The following SLC26A7 variants were observed in gnomAD, a reference collection of about 807,000 sequenced individuals.
SLC26A7 encodes the protein anion exchange transporter.
Under a neutral mutation model 82.5 loss-of-function variants are expected in SLC26A7, and 59 were observed. That is an observed-to-expected ratio of 0.72 (90% CI 0.58 to 0.89). The LOEUF (loss-of-function observed/expected upper bound fraction) is 0.89. Ranked by LOEUF, SLC26A7 falls within the 40% of genes least tolerant of loss-of-function variation. The pLI, the probability that SLC26A7 is intolerant of heterozygous loss-of-function variation, is 0.00. For missense variants in SLC26A7, 820 were observed against 793.0 expected (o/e 1.03, Z -0.41); for synonymous variants, 271 against 274.3 (o/e 0.99, Z 0.12).
intron 2 of SLC26A7, among the ~76,000 whole-genome samples, chr8:91,261,939 G>A (rs1390014552): frequency 6.6e-6 from 1 of 152,088 alleles, no homozygotes; most frequent in East Asian, 1.9e-4. Context: ...CCTTTTATTA[G>A]CCAGTAGCAT....
chr8:91,317,956 AT>A (rs1323393203), intron 4 of SLC26A7, among the ~76,000 whole-genome samples: 23 of 142,768 alleles, frequency 1.6e-4, no homozygotes, highest in Admixed American at 9.6e-4. Flanking sequence ...ATATATATAT[AT>A]AAAATAAAAA....
intron 2 of SLC26A7, among the ~76,000 whole-genome samples, chr8:91,241,740 A>T (rs374351055): frequency 5.3e-5 from 8 of 152,156 alleles, no homozygotes; most frequent in African/African-American, 1.9e-4. Flanking sequence ...AGGAAGAGGG[A>T]ACCCTAAAAA....
chr8:91,249,532 T>A lies in SLC26A7; in HGVS notation c.-113-7T>A. 3.1e-6 allele frequency: 2 copies of A among 639,394 alleles called. No individual in the cohort carries two copies. Among genetic ancestry groups the A allele is most frequent in the Non-Finnish European group, 4.8e-6 (2 of 414,890 alleles). The allele number at this position is 639,394 out of a possible 1,614,324, so 39.6% of individuals were successfully genotyped here. ...CTCTCTCTTTTATTTACTTATTTTC[T>A]GGGCAGCTTTGACATTGTAAACCAC... is the stretch of plus-strand genomic sequence containing the variant. On this transcript the variant is annotated splice_region_variant and splice_polypyrimidine_tract_variant and intron_variant, in intron 1 of 18. Coordinates refer to ENST00000276609, the MANE Select transcript of SLC26A7 (RefSeq NM_052832.4).
At chr8:91,367,177 T>C (rs1814219699) in intron 14 of SLC26A7, among the ~76,000 whole-genome samples, 1 of 152,028 alleles carries the variant, frequency 6.6e-6, no homozygotes, top group African/African-American at 2.4e-5. Flanking sequence ...TCGGCTAATT[T>C]GTTTGTATTT....
At chr8:91,279,788 T>C (rs1023370959) in intron 2 of SLC26A7, among the ~76,000 whole-genome samples, 1 of 152,134 alleles carries the variant, frequency 6.6e-6, no homozygotes, top group Admixed American at 6.5e-5. Flanking sequence ...CTCGATCTCC[T>C]GACCTCGTGT....
chr8:91,318,344 A>C lies in SLC26A7; in HGVS notation c.606A>C (p.Lys202Asn). The change falls in exon 5 of 19, where the codon AAA (lysine) becomes AAC (asparagine). Residue 202 changes from lysine to asparagine, a missense_variant. Lys to Asn is a moderately conservative substitution (Grantham distance 94). Transcript: ENST00000276609. ...AAGTCAAATATCTCTTGGGAATGAA[A>C]ATGCCATATATATCCGGACCACTTG... ...TSQVKYLLGM[K>N]MPYISGPLGF... 1 of 1,611,830 alleles carries C rather than the reference A, an allele frequency of 6.2e-7. No homozygotes were observed. Among genetic ancestry groups the C allele is most frequent in the Non-Finnish European group, 8.5e-7 (1 of 1,178,858 alleles).
intron 1 of SLC26A7, among the ~76,000 whole-genome samples, chr8:91,213,388 A>G (rs1009643762): frequency 1.1e-4 from 16 of 152,198 alleles, no homozygotes; most frequent in Admixed American, 5.2e-4. Flanking sequence ...GCAAATCCCA[A>G]TGTATGGTTA....
chr8:91,355,239 A>G (rs1813830254), intron 11 of SLC26A7, among the ~76,000 whole-genome samples: 1 of 152,162 alleles, frequency 6.6e-6, no homozygotes, highest in Admixed American at 6.6e-5. Context: ...GAAGTTTGGT[A>G]CTATTATCAG....
intron 2 of SLC26A7, 92 bp from the exon 3 acceptor site, chr8:91,289,044 T>C: frequency 7.8e-6 from 6 of 771,282 alleles, no homozygotes; most frequent in Non-Finnish European, 1.3e-5. Context: ...TGATTCATTT[T>C]GTCTATAAGT....
intron 2 of SLC26A7, among the ~76,000 whole-genome samples, chr8:91,220,902 G>T (rs1193671683): frequency 6.6e-6 from 1 of 152,054 alleles, no homozygotes; most frequent in Non-Finnish European, 1.5e-5. Flanking sequence ...GGTATTTCTG[G>T]TTCTAGATCT....
chr8:91,367,486 G>A (rs1254420617), intron 14 of SLC26A7, among the ~76,000 whole-genome samples: 1 of 152,028 alleles, frequency 6.6e-6, no homozygotes, highest in Admixed American at 6.6e-5. Flanking sequence ...TGAATCAAAT[G>A]TGCATCAATA....
rs139871019 is a variant in SLC26A7 at position 91,295,626 on chromosome 8, G to A, written c.400G>A (p.Val134Met). 2.8e-4 allele frequency: 453 copies of A among 1,614,088 alleles called. 3 individuals are homozygous for A. In the African/African-American group the frequency reaches 4.3e-3, roughly 15 times the overall value. ...TCTCACCACACAGAGTAACACAAGC[G>A]TGCTGGGCTTATCCGACTTTGAAAT... ...QNLTTQSNTS[V>M]LGLSDFEMQR... Residue 134 changes from valine (V) to methionine (M), a missense_variant, in exon 4 of 19, where the codon GTG becomes ATG. Transcript: ENST00000276609.
intron 11 of SLC26A7, among the ~76,000 whole-genome samples, chr8:91,360,478 T>A (rs146533947): frequency 6.6e-6 from 1 of 152,218 alleles, no homozygotes; most frequent in Non-Finnish European, 1.5e-5. Context: ...TTCTAACCAA[T>A]GGAATTATTT....
At chr8:91,317,615 G>T (rs1384477640) in intron 4 of SLC26A7, among the ~76,000 whole-genome samples, 1 of 152,144 alleles carries the variant, frequency 6.6e-6, no homozygotes, top group East Asian at 1.9e-4. Context: ...CAAAGAGTAT[G>T]TTCCCATTTC....
chr8:91,250,494 G>T (rs984556561), intron 2 of SLC26A7, among the ~76,000 whole-genome samples: 21 of 152,214 alleles, frequency 1.4e-4, no homozygotes, highest in African/African-American at 5.1e-4. Context: ...TCTGGATTTA[G>T]ATAGGTGTTT....
chr8:91,351,485 T>C (rs1813713657), intron 9 of SLC26A7, among the ~76,000 whole-genome samples: 1 of 152,172 alleles, frequency 6.6e-6, no homozygotes, highest in African/African-American at 2.4e-5. Flanking sequence ...GAAATTTTAA[T>C]TGAAATGTCA....
chr8:91,339,749 A>G (rs921714040), intron 7 of SLC26A7, among the ~76,000 whole-genome samples: 3 of 152,118 alleles, frequency 2.0e-5, no homozygotes, highest in African/African-American at 7.2e-5. Flanking sequence ...TCAAAAGACA[A>G]TTAGACAAGG....
chr8:91,380,252 T>C (rs1262925298), intron 15 of SLC26A7, among the ~76,000 whole-genome samples: 1 of 152,082 alleles, frequency 6.6e-6, no homozygotes, highest in Non-Finnish European at 1.5e-5. Context: ...TGACCGGCAG[T>C]GTTTTATATT....
At position 91,366,654 on chromosome 8, in the gene SLC26A7, T is replaced by A. The variant is rs1814201163; in HGVS notation, c.1563T>A (p.Thr521=). The change falls in exon 14 of 19, where the codon ACT becomes ACA. Residue 521 remains threonine (T), a synonymous_variant. Transcript: ENST00000276609. ...LVFLNAKKFY[T]DLMNMIQKEN... is the part of the protein sequence containing the mutation. ...TCCTGAATGCAAAAAAATTTTATAC[T>A]GATTTAATGAACATGATCCAAAAGG... 1.9e-6 allele frequency: 3 copies of A among 1,613,590 alleles called. No individual in the cohort carries two copies. Among genetic ancestry groups the A allele is most frequent in the Non-Finnish European group, 8.5e-7 (1 of 1,179,866 alleles).
Sources: allele counts gnomAD v4.1 joint callset (sites outside exome capture counted in the v4.1 genomes callset), GRCh38; gene constraint gnomAD v4.1.1; transcripts MANE v1.5; gene names NCBI Gene and HGNC (gene_info 2026-07-23, HGNC 2026-07-21).